The following LRRC4C variants were observed in gnomAD, a reference collection of about 807,000 sequenced individuals.
LRRC4C encodes leucine rich repeat containing 4C, also known as leucine-rich repeat-containing protein 4C.
A neutral mutation model predicts 33.6 loss-of-function variants in LRRC4C; 5 were observed. That is an observed-to-expected ratio of 0.15 (90% CI 0.08 to 0.31). LRRC4C has a LOEUF of 0.31. Ranked by LOEUF, LRRC4C falls within the 10% of genes least tolerant of loss-of-function variation. The pLI is 1.00. For missense variants in LRRC4C, 560 were observed against 796.7 expected, an observed-to-expected ratio of 0.70 and a Z score of 3.58; for synonymous variants, 329 against 302.0, an observed-to-expected ratio of 1.09 and a Z score of -0.93.
At chr11:41,277,519 A>T (rs1355009655) in intron 1 of LRRC4C, among the ~76,000 whole-genome samples, 4 of 152,154 alleles carry the variant, frequency 2.6e-5, no homozygotes, top group Non-Finnish European at 5.9e-5. Context: ...GTATTTTGTC[A>T]TTCCCATCCT....
intron 1 of LRRC4C, among the ~76,000 whole-genome samples, chr11:41,311,032 T>A (rs1353006608): frequency 6.6e-6 from 1 of 152,222 alleles, no homozygotes; most frequent in Admixed American, 6.5e-5. Flanking sequence ...CCTAGGCATT[T>A]GATTCGCATC....
At chr11:40,485,280 G>A (rs553996231) in intron 3 of LRRC4C, among the ~76,000 whole-genome samples, 1 of 151,942 alleles carries the variant, frequency 6.6e-6, no homozygotes, top group South Asian at 2.1e-4. Context: ...TTTGCCATCA[G>A]TGGAAGTGAC....
At chr11:41,197,239 A>G (rs1431426719) in intron 1 of LRRC4C, among the ~76,000 whole-genome samples, 1 of 152,014 alleles carries the variant, frequency 6.6e-6, no homozygotes, top group Non-Finnish European at 1.5e-5. Flanking sequence ...ACAAAATAAG[A>G]CACACTATTT....
intron 2 of LRRC4C, among the ~76,000 whole-genome samples, chr11:40,857,823 G>A (rs1264933865): frequency 6.6e-6 from 1 of 152,086 alleles, no homozygotes; most frequent in Non-Finnish European, 1.5e-5. Flanking sequence ...GCTGAGGTAG[G>A]AGGATTGCTT....
rs77002495 is a variant in LRRC4C, at chr11:40,150,271, T to G, written c.-95-9418A>C. ...TCAACTTAATTATGTACACAAAGACTGTTTTTTCCAAATAAGGTCACATCT... is the reference window on the plus strand; with the variant it reads ...TCAACTTAATTATGTACACAAAGACGGTTTTTTCCAAATAAGGTCACATCT... On this transcript the variant is annotated intron_variant, in intron 5 of 6. Transcript: ENST00000528697. Among the ~76,000 whole-genome samples the G allele has an allele frequency of 4.8e-3, 729 of 152,348 alleles. 7 individuals carry two copies. The highest frequency in any genetic ancestry group is 0.016 in the African/African-American group (683 of 41,586).
intron 3 of LRRC4C, among the ~76,000 whole-genome samples, chr11:40,474,418 TA>T (rs530324461): frequency 1.1e-4 from 16 of 151,790 alleles, no homozygotes; most frequent in Non-Finnish European, 2.2e-4. Context: ...CCACATCTTA[TA>T]AAAAAAATTA....
intron 5 of LRRC4C, among the ~76,000 whole-genome samples, chr11:40,156,375 G>A (rs1858691718): frequency 6.6e-6 from 1 of 151,984 alleles, no homozygotes; most frequent in African/African-American, 2.4e-5. Context: ...AAGAAATAAA[G>A]GGCATCCAAG....
intron 2 of LRRC4C, among the ~76,000 whole-genome samples, chr11:40,790,828 A>T (rs1339526377): frequency 1.3e-5 from 2 of 152,212 alleles, no homozygotes; most frequent in Non-Finnish European, 2.9e-5. Flanking sequence ...GGCTTCCAAC[A>T]CATCCTGTGA....
rs1285211075 is a variant in LRRC4C, at chr11:40,275,676, ATGGAGAAGGT to A, written c.-175-34088_-175-34079del. 2.8e-4 allele frequency among the ~76,000 whole-genome samples: 43 copies of A among 152,286 alleles called. 1 individual carries two copies. The highest frequency in any genetic ancestry group is 1.9e-3 in the Admixed American group (29 of 15,280). ...ACACACTACTAGGTGGGTTCCCCTA[ATGGAGAAGGT>A]TGGCTGGCCCCAAGTGGAGTCTATG... On this transcript the variant is annotated intron_variant, in intron 4 of 6. Transcript: ENST00000528697.
At chr11:40,792,684 A>G (rs1431667434) in intron 2 of LRRC4C, among the ~76,000 whole-genome samples, 1 of 152,160 alleles carries the variant, frequency 6.6e-6, no homozygotes, top group African/African-American at 2.4e-5. Flanking sequence ...AGACACATGC[A>G]CACGTATGTT....
intron 2 of LRRC4C, among the ~76,000 whole-genome samples, chr11:40,907,728 G>A (rs1317752818): frequency 6.6e-6 from 1 of 152,106 alleles, no homozygotes; most frequent in Admixed American, 6.5e-5. Flanking sequence ...ATTATTCAAT[G>A]TCTTCACTGA....
intron 1 of LRRC4C, among the ~76,000 whole-genome samples, chr11:41,044,226 A>G (rs1258663659): frequency 1.3e-5 from 2 of 152,294 alleles, no homozygotes; most frequent in African/African-American, 2.4e-5. Context: ...AACATGAAAA[A>G]GAATAGAAGG....
intron 1 of LRRC4C, among the ~76,000 whole-genome samples, chr11:40,939,183 C>T (rs1331511670): frequency 6.6e-6 from 1 of 152,068 alleles, no homozygotes; most frequent in Non-Finnish European, 1.5e-5. Context: ...TTATATTGAA[C>T]ATTAGTGTTT....
At chr11:40,451,999 C>T (rs1023897630) in intron 3 of LRRC4C, among the ~76,000 whole-genome samples, 18 of 152,098 alleles carry the variant, frequency 1.2e-4, no homozygotes, top group Non-Finnish European at 1.8e-4. Context: ...GGTGAGGAAT[C>T]GCCTCACCCA....
intron 1 of LRRC4C, among the ~76,000 whole-genome samples, chr11:41,156,061 A>G (rs1944217811): frequency 6.6e-6 from 1 of 152,138 alleles, no homozygotes; most frequent in Non-Finnish European, 1.5e-5. Context: ...TGTAGGATTT[A>G]ATGATCTGAA....
intron 5 of LRRC4C, among the ~76,000 whole-genome samples, chr11:40,190,864 A>G (rs1417783704): frequency 6.6e-6 from 1 of 152,136 alleles, no homozygotes; most frequent in Non-Finnish European, 1.5e-5. Context: ...TTCTCAACGC[A>G]TTTTCAAAAG....
intron 6 of LRRC4C, among the ~76,000 whole-genome samples, chr11:40,136,082 A>G (rs1856948988): frequency 6.6e-6 from 1 of 152,142 alleles, no homozygotes; most frequent in Non-Finnish European, 1.5e-5. Flanking sequence ...CAGTTTTTGT[A>G]AGTAAAGTTT....
At chr11:40,446,126 A>G (rs1328209700) in intron 3 of LRRC4C, 1 of 152,170 alleles carries the variant, frequency 6.6e-6, no homozygotes, top group Non-Finnish European at 1.5e-5. Flanking sequence ...TATTCTTTAT[A>G]CCCACATGAG....
intron 1 of LRRC4C, among the ~76,000 whole-genome samples, chr11:41,242,205 A>AT (rs1031579347): frequency 1.9e-4 from 29 of 151,520 alleles, no homozygotes; most frequent in East Asian, 7.8e-4. Flanking sequence ...TCCAGTGTTG[A>AT]TTTTTTTTTG....
Sources: gnomAD v4.1 joint callset for allele counts (sites outside exome capture counted in the v4.1 genomes callset) on GRCh38, gnomAD v4.1.1 for gene constraint, MANE v1.5 for transcripts, NCBI Gene and HGNC (gene_info 2026-07-23, HGNC 2026-07-21) for gene names.